Variants in FNDC7 observed in about 807,000 individuals in gnomAD.
FNDC7 encodes the protein fibronectin type III domain-containing protein 7.
In FNDC7, 66 loss-of-function variants were observed where a neutral mutation model predicts 74.2. That is an observed-to-expected ratio of 0.89 (90% CI 0.73 to 1.09). The LOEUF (loss-of-function observed/expected upper bound fraction) is 1.09, where lower values mean the gene tolerates loss of function less well. Ranked by LOEUF, FNDC7 falls within the 50% of genes least tolerant of loss-of-function variation. The probability of loss-of-function intolerance (pLI) is 0.00; values close to 1 mark genes in which losing one functional copy is unlikely to be tolerated. For missense variants in FNDC7, 829 were observed against 893.4 expected, an observed-to-expected ratio of 0.93 and a Z score of 0.92; for synonymous variants, 307 against 330.2, an observed-to-expected ratio of 0.93 and a Z score of 0.76.
intron 2 of FNDC7, among the ~76,000 whole-genome samples, chr1:108,716,432 A>C (rs1449814308): frequency 6.8e-6 from 1 of 147,988 alleles, no homozygotes; most frequent in Non-Finnish European, 1.5e-5. Context: ...GAGGGAGCGA[A>C]GCCCTTTCCT....
intron 9 of FNDC7, among the ~76,000 whole-genome samples, chr1:108,731,424 G>A (rs1235976685): frequency 6.6e-6 from 1 of 152,232 alleles, no homozygotes; most frequent in Non-Finnish European, 1.5e-5. Context: ...CAAACCATTA[G>A]GGAATAGCAG....
chr1:108,716,644 T>C (rs1045780906), intron 2 of FNDC7, among the ~76,000 whole-genome samples: 2 of 152,130 alleles, frequency 1.3e-5, no homozygotes, highest in Non-Finnish European at 2.9e-5. Flanking sequence ...AAGCTAACTC[T>C]CTGGGCTATT....
At chr1:108,728,344 G>A (rs1661266142) in intron 7 of FNDC7, among the ~76,000 whole-genome samples, 1 of 152,192 alleles carries the variant, frequency 6.6e-6, no homozygotes, top group Admixed American at 6.5e-5. Context: ...TGAGGGGCCT[G>A]CCTGTACTCA....
chr1:108,735,617 T>C (rs927790613), intron 10 of FNDC7, among the ~76,000 whole-genome samples: 1 of 152,200 alleles, frequency 6.6e-6, no homozygotes, highest in Non-Finnish European at 1.5e-5. Flanking sequence ...ATATCCAAAA[T>C]ATTATCATTT....
chr1:108,723,769 C>A (rs1434974375), intron 5 of FNDC7, among the ~76,000 whole-genome samples: 2 of 152,212 alleles, frequency 1.3e-5, no homozygotes, highest in East Asian at 3.8e-4. Flanking sequence ...ACATTAAGAG[C>A]ATCTGGGGAA....
In FNDC7 at chr1:108,728,790, C is replaced by A. The variant is rs375721141; in HGVS notation, c.1528C>A (p.Arg510=). 55 of 1,614,124 alleles carry A rather than the reference C, an allele frequency of 3.4e-5. 1 individual carries two copies. The highest frequency in any genetic ancestry group is 2.0e-4 in the East Asian group (9 of 44,894). ...CSSTGESCTM[R]GLPCGSVFSV... is the part of the protein sequence containing the mutation. ...CAGCACAGGAGAGTCCTGCACCATGCGGGGCTTGCCCTGTGGCTCAGTGTT... is the reference window on the plus strand; with the variant it reads ...CAGCACAGGAGAGTCCTGCACCATGAGGGGCTTGCCCTGTGGCTCAGTGTT... Residue 510 remains arginine, a synonymous_variant, in exon 8 of 13, where the codon CGG becomes AGG. Coordinates refer to ENST00000370017, the MANE Select transcript of FNDC7 (RefSeq NM_001144937.3).
chr1:108,715,721 C>A (rs1660958741), intron 2 of FNDC7, among the ~76,000 whole-genome samples: 1 of 152,184 alleles, frequency 6.6e-6, no homozygotes, highest in Admixed American at 6.5e-5. Flanking sequence ...TACATTATTT[C>A]ACTTATTCTT....
intron 3 of FNDC7, 67 bp from the exon 4 acceptor site, chr1:108,718,722 C>A: frequency 1.3e-6 from 2 of 1,489,310 alleles, no homozygotes; most frequent in South Asian, 1.3e-5. Context: ...AATTTACTTG[C>A]TTCTAAATTT....
At chr1:108,741,478 G>GT (rs1661645904) in intron 11 of FNDC7, among the ~76,000 whole-genome samples, 1 of 152,226 alleles carries the variant, frequency 6.6e-6, no homozygotes, top group African/African-American at 2.4e-5. Flanking sequence ...AGCACAGCAA[G>GT]TTGGCCTGGG....
Position 108,733,276 on chromosome 1 carries a change from C to G in FNDC7, c.1884C>G (p.Ala628=). Residue 628 remains alanine, a synonymous_variant, in exon 10 of 13, where the codon GCC becomes GCG. Transcript: ENST00000370017. ...TTTGTTATTTTTATTGCCTAGGTGC[C>G]TGCTGCCCTTTGGGGGTGAAATTAT... is the stretch of plus-strand genomic sequence containing the variant. ...DCSYQSYFSG[A]CCPLGVKLYR... 6.2e-7 allele frequency: 1 copy of G among 1,606,426 alleles called. No individual in the cohort carries two copies. The highest frequency in any genetic ancestry group is 8.5e-7 in the Non-Finnish European group (1 of 1,173,456).
At chr1:108,725,119 A>G (rs1661181954) in intron 5 of FNDC7, among the ~76,000 whole-genome samples, 1 of 152,008 alleles carries the variant, frequency 6.6e-6, no homozygotes, top group Non-Finnish European at 1.5e-5. Context: ...AAATTTAAAA[A>G]AATAGTTTTT....
intron 2 of FNDC7, among the ~76,000 whole-genome samples, chr1:108,717,208 T>C (rs1233373824): frequency 6.6e-6 from 1 of 152,222 alleles, no homozygotes; most frequent in East Asian, 1.9e-4. Context: ...GGAGTAATTA[T>C]AACAAAGAAC....
intron 7 of FNDC7, among the ~76,000 whole-genome samples, chr1:108,728,275 A>G (rs531563612): frequency 6.6e-6 from 1 of 152,224 alleles, no homozygotes; most frequent in East Asian, 1.9e-4. Flanking sequence ...AGGGGAGACC[A>G]CGGGGAGAGT....
Position 108,718,126 on chromosome 1 carries a change from C to A in FNDC7, c.337+95C>A, listed in dbSNP as rs575533827. The A allele has an allele frequency of 1.3e-5, 19 of 1,448,202 alleles. No individual in the cohort carries two copies. The African/African-American group carries it at 2.5e-4, about 19-fold the overall frequency. The allele number at this position is 1,448,202 out of a possible 1,614,324, so 89.7% of individuals were successfully genotyped here. On this transcript the variant is annotated intron_variant, in intron 3 of 12. Transcript: ENST00000370017. ...AAATGCAGAATGTGATTTGGTGTCACATGAGTGCCTACAATTCAAGGCCCA... is the reference window on the plus strand; with the variant it reads ...AAATGCAGAATGTGATTTGGTGTCAAATGAGTGCCTACAATTCAAGGCCCA...
intron 11 of FNDC7, 143 bp downstream of exon 11, chr1:108,737,667 C>T (rs1661547634): frequency 1.7e-6 from 1 of 581,112 alleles, no homozygotes; most frequent in South Asian, 2.5e-5. Context: ...TATCCCATGA[C>T]TTTTTCTCCC....
At position 108,722,368 on chromosome 1, in the gene FNDC7, T is replaced by C; in HGVS notation, c.632T>C (p.Phe211Ser). 13 of 1,613,480 alleles carry C rather than the reference T, an allele frequency of 8.1e-6. No homozygotes were observed. The highest frequency in any genetic ancestry group is 1.1e-5 in the Non-Finnish European group (13 of 1,179,728). Residue 211 changes from phenylalanine (F) to serine (S), a missense_variant, in exon 5 of 13, where the codon TTC becomes TCC. Coordinates refer to ENST00000370017, the MANE Select transcript of FNDC7 (RefSeq NM_001144937.3). The stretch of plus-strand genomic sequence containing the variant: ...GCCCCTGCCAACATTCAAGTCTCTT[T>C]CGATAGTGGAGCTCTGAAGGCATCT... Reference protein sequence around the residue: ...PRAPANIQVSFDSGALKASFS... With the variant: ...PRAPANIQVSSDSGALKASFS...
rs112501663 is a variant in FNDC7, at chr1:108,737,461, G to T, written c.2141-34G>T. On this transcript the variant is annotated intron_variant, in intron 10 of 12. Transcript: ENST00000370017. ...ACTATCTTAAATACATAAATGAATA[G>T]ATTTTATTTTAAATGCTTGTGTTTT... 87 of 1,532,772 alleles carry T rather than the reference G, an allele frequency of 5.7e-5. No homozygotes were observed. The African/African-American group carries it at 1.1e-3, about 19-fold the overall frequency. 94.9% of individuals were successfully genotyped at this position (1,532,772 alleles called of 1,614,324 possible). A position where few individuals can be genotyped will look rare whatever the true frequency, so the allele number is the denominator to read the frequency against.
intron 9 of FNDC7, among the ~76,000 whole-genome samples, chr1:108,732,896 C>T (rs1426705269): frequency 6.6e-6 from 1 of 151,990 alleles, no homozygotes. Flanking sequence ...GCCTCATCCT[C>T]CCAAGGGGAC....
In FNDC7 at chr1:108,727,790, C is replaced by T. The variant is rs369041827; in HGVS notation, c.1112-18C>T. On this transcript the variant is annotated intron_variant, in intron 6 of 12. Transcript: ENST00000370017. Reference sequence around the variant, plus strand: ...GCTCTTGATGGGACCGCCATTTTCCCTCTGCTCCTGCTTTCAGCTCCCTGT... The same window carrying T: ...GCTCTTGATGGGACCGCCATTTTCCTTCTGCTCCTGCTTTCAGCTCCCTGT... The T allele has an allele frequency of 1.2e-5, 19 of 1,613,148 alleles. No homozygotes were observed. The Admixed American group carries it at 3.2e-4, about 27-fold the overall frequency.
Sources: gnomAD v4.1 joint callset for allele counts (sites outside exome capture counted in the v4.1 genomes callset) on GRCh38, gnomAD v4.1.1 for gene constraint, MANE v1.5 for transcripts, NCBI Gene and HGNC (gene_info 2026-07-23, HGNC 2026-07-21) for gene names.